ABCG8: variants seen among roughly 807,000 people sequenced by gnomAD.
ABCG8 encodes ATP binding cassette subfamily G member 8.
In ABCG8, 81 loss-of-function variants were observed where a neutral mutation model predicts 71.3. The ratio of observed to expected loss-of-function variants is 1.14; its 90% CI spans 0.95 to 1.37. ABCG8 has a LOEUF of 1.37. Ranked by LOEUF, ABCG8 falls within the 40% of genes most tolerant of loss-of-function variation. The probability of loss-of-function intolerance (pLI) is 0.00; values close to 1 mark genes in which losing one functional copy is unlikely to be tolerated. For synonymous variants in ABCG8, 451 were observed against 354.7 expected (o/e 1.27, Z -3.05); for missense variants, 1,119 against 866.2 (o/e 1.29, Z -3.66).
At chr2:43,855,594 C>G (rs1476529001) in intron 6 of ABCG8, among the ~76,000 whole-genome samples, 1 of 152,158 alleles carries the variant, frequency 6.6e-6, no homozygotes, top group African/African-American at 2.4e-5. Context: ...CACTATCTAT[C>G]TAGATAGAAT....
At chr2:43,852,555 C>G in intron 5 of ABCG8, 44 bp from the exon 6 acceptor site, 1 of 1,613,988 alleles carries the variant, frequency 6.2e-7, no homozygotes, top group Non-Finnish European at 8.5e-7. Context: ...CTTGGTCTGG[C>G]CAGAGCCCCA....
Position 43,844,605 on chromosome 2 carries a change from C to T in ABCG8, c.162C>T (p.Tyr54=). 1 of 1,610,094 alleles carries T rather than the reference C, an allele frequency of 6.2e-7. No individual in the cohort carries two copies. Among genetic ancestry groups the T allele is most frequent in the Non-Finnish European group, 8.5e-7 (1 of 1,176,416 alleles). The stretch of plus-strand genomic sequence containing the variant: ...CCCTGGAGGTCAGAGACCTCAACTA[C>T]CAGGTAGAGGCACGCCTGGGTTCAA... ...PNTLEVRDLN[Y]QVDLASQVPW... Residue 54 remains tyrosine (Y), a synonymous_variant, in exon 2 of 13, where the codon TAC becomes TAT. Transcript: ENST00000272286.
rs1670137697 is a variant in ABCG8 at position 43,881,744 on chromosome 2, T to C, written c.*3831T>C. 1 of 150,734 alleles carries C rather than the reference T, an allele frequency of 6.6e-6. No individual in the cohort carries two copies. Among genetic ancestry groups the C allele is most frequent in the African/African-American group, 2.4e-5 (1 of 40,936 alleles). The allele number at this position is 150,734 out of a possible 1,614,324, so 9.3% of individuals were successfully genotyped here. On this transcript the variant is annotated 3_prime_UTR_variant, in exon 13 of 13. Coordinates refer to ENST00000272286, the MANE Select transcript of ABCG8 (RefSeq NM_022437.3). Reference sequence around the variant, plus strand: ...AAAAAAACCCAAGGCTCTCGAGGCATGCATGCTGTTCAGCGAGCCCTGCCC... The same window carrying C: ...AAAAAAACCCAAGGCTCTCGAGGCACGCATGCTGTTCAGCGAGCCCTGCCC...
At chr2:43,856,694 G>T (rs1669120010) in intron 6 of ABCG8, among the ~76,000 whole-genome samples, 2 of 151,790 alleles carry the variant, frequency 1.3e-5, no homozygotes, top group South Asian at 4.2e-4. Flanking sequence ...TCACTTTCTG[G>T]ATAGAACTCT....
chr2:43,850,110 G>C (rs1421762439), intron 3 of ABCG8, among the ~76,000 whole-genome samples: 1 of 152,138 alleles, frequency 6.6e-6, no homozygotes, highest in Non-Finnish European at 1.5e-5. Flanking sequence ...TGTAATCCCA[G>C]CTACTCAGGA....
chr2:43,842,610 T>C (rs1344331631), intron 1 of ABCG8, among the ~76,000 whole-genome samples: 1 of 152,066 alleles, frequency 6.6e-6, no homozygotes, highest in East Asian at 1.9e-4. Context: ...GACAACATAT[T>C]GTGAAATATC....
chr2:43,863,672 C>T (rs1407333436), intron 6 of ABCG8, among the ~76,000 whole-genome samples: 1 of 151,566 alleles, frequency 6.6e-6, no homozygotes, highest in Non-Finnish European at 1.5e-5. Flanking sequence ...ATAGAATTCT[C>T]ACCATCTGGA....
At chr2:43,861,830 G>A (rs1669330745) in intron 6 of ABCG8, among the ~76,000 whole-genome samples, 1 of 150,532 alleles carries the variant, frequency 6.6e-6, no homozygotes, top group Non-Finnish European at 1.5e-5. Context: ...CTCACTCTCT[G>A]GGTAGAACTC....
intron 2 of ABCG8, 46 bp downstream of exon 2, chr2:43,844,654 G>C: frequency 6.7e-7 from 1 of 1,484,126 alleles, no homozygotes; most frequent in Non-Finnish European, 9.4e-7. Context: ...GGCAGGGACA[G>C]CCAGGAAATT....
At chr2:43,875,502 C>G (rs1045821685) in intron 11 of ABCG8, 89 bp downstream of exon 11, 2 of 1,492,950 alleles carry the variant, frequency 1.3e-6, no homozygotes, top group Non-Finnish European at 9.0e-7. Context: ...GGACACTTAT[C>G]ACTTAGATCC....
chr2:43,867,618 T>A (rs1439800110), intron 6 of ABCG8, among the ~76,000 whole-genome samples: 1 of 151,956 alleles, frequency 6.6e-6, no homozygotes, highest in African/African-American at 2.4e-5. Flanking sequence ...ATTCTCAATC[T>A]CTGCATAGAA....
At chr2:43,847,935 T>C (rs1274918530) in intron 3 of ABCG8, 1 of 151,718 alleles carries the variant, frequency 6.6e-6, no homozygotes. Context: ...TCATTTTTTT[T>C]TGTATTTTTT....
At chr2:43,840,980 C>T (rs1210136503) in intron 1 of ABCG8, among the ~76,000 whole-genome samples, 2 of 152,190 alleles carry the variant, frequency 1.3e-5, no homozygotes, top group Non-Finnish European at 2.9e-5. Context: ...ATCTTGGGCA[C>T]CTGGAGTGGC....
intron 6 of ABCG8, among the ~76,000 whole-genome samples, chr2:43,853,659 C>T (rs1669002026): frequency 1.3e-5 from 2 of 152,210 alleles, no homozygotes; most frequent in Non-Finnish European, 2.9e-5. Flanking sequence ...GGGGCCCAAA[C>T]ATGCCAGGCT....
At chr2:43,844,383 G>A (rs1668673033) in intron 1 of ABCG8, 124 bp from the exon 2 acceptor site, 1 of 763,036 alleles carries the variant, frequency 1.3e-6, no homozygotes, top group Non-Finnish European at 2.3e-6. Context: ...CCCATCTGTT[G>A]CCAATTTGAG....
At chr2:43,847,216 G>A (rs756081607) in intron 3 of ABCG8, 1 of 152,198 alleles carries the variant, frequency 6.6e-6, no homozygotes, top group Non-Finnish European at 1.5e-5. Context: ...ATCATTTCCA[G>A]AGGTAGAGAT....
chr2:43,851,678 C>G lies in ABCG8; in HGVS notation c.417C>G (p.Ser139Arg). The G allele has an allele frequency of 6.2e-7, 1 of 1,614,252 alleles. No homozygotes were observed. Among genetic ancestry groups the G allele is most frequent in the Non-Finnish European group, 8.5e-7 (1 of 1,180,048 alleles). The change falls in exon 4 of 13, where the codon AGC (serine) becomes AGG (arginine). Residue 139 changes from serine (S) to arginine (R), a missense_variant. Transcript: ENST00000272286. ...AGATCTGGATCAATGGGCAGCCCAG[C>G]TCGCCTCAGCTGGTGAGGAAGTGTG... ...SGQIWINGQP[S>R]SPQLVRKCVA...
rs548297738 is a variant in ABCG8 at position 43,872,243 on chromosome 2, C to A, written c.1148C>A (p.Thr383Asn). ...CCCAGCAGCGTGACCCCACTAGACA[C>A]CAACTGCCTCCCGAGTCCTACGAAG... ...CVESSVTPLD[T>N]NCLPSPTKMP... Residue 383 changes from threonine to asparagine, a missense_variant, in exon 8 of 13, where the codon ACC becomes AAC. Thr to Asn is a moderately conservative substitution (Grantham distance 65). Coordinates refer to ENST00000272286, the MANE Select transcript of ABCG8 (RefSeq NM_022437.3). The A allele has an allele frequency of 3.7e-6, 6 of 1,614,042 alleles. No individual in the cohort carries two copies. The East Asian group carries it at 1.3e-4, about 36-fold the overall frequency.
intron 6 of ABCG8, among the ~76,000 whole-genome samples, chr2:43,867,908 T>C (rs1203759212): frequency 6.6e-6 from 1 of 151,930 alleles, no homozygotes; most frequent in African/African-American, 2.4e-5. Flanking sequence ...GATAGAATTC[T>C]GACTCGCTGG....
Sources: gnomAD v4.1 joint callset for allele counts (sites outside exome capture counted in the v4.1 genomes callset) on GRCh38, gnomAD v4.1.1 for gene constraint, MANE v1.5 for transcripts, NCBI Gene and HGNC (gene_info 2026-07-23, HGNC 2026-07-21) for gene names.